KCNT2: variants seen among roughly 807,000 people sequenced by gnomAD.
The protein encoded by KCNT2 is potassium sodium-activated channel subfamily T member 2, also known as potassium channel subfamily T member 2.
Under a neutral mutation model 153.8 loss-of-function variants are expected in KCNT2, and 67 were observed. The ratio of observed to expected loss-of-function variants is 0.44; its 90% CI spans 0.36 to 0.53. The LOEUF (loss-of-function observed/expected upper bound fraction) is 0.53. Among genes scored for constraint, KCNT2 ranks in the 20% least tolerant of loss-of-function variants. KCNT2 has a pLI of 0.00. For missense variants in KCNT2, 975 were observed against 1,354.8 expected, an observed-to-expected ratio of 0.72 and a Z score of 4.40; for synonymous variants, 500 against 458.8, an observed-to-expected ratio of 1.09 and a Z score of -1.15.
At chr1:196,560,751 T>C (rs1478868442) in intron 1 of KCNT2, among the ~76,000 whole-genome samples, 1 of 151,946 alleles carries the variant, frequency 6.6e-6, no homozygotes, top group Non-Finnish European at 1.5e-5. Flanking sequence ...TCACCCCAAC[T>C]ACCAGGTAAA....
chr1:196,607,364 C>T (rs1665433012), intron 1 of KCNT2, among the ~76,000 whole-genome samples: 1 of 152,104 alleles, frequency 6.6e-6, no homozygotes, highest in South Asian at 2.1e-4. Flanking sequence ...ATACTAAATT[C>T]GCTGAAATAC....
At chr1:196,269,518 T>C (rs74133650) in intron 25 of KCNT2, among the ~76,000 whole-genome samples, 3,242 of 152,180 alleles carry the variant, frequency 0.021, 101 homozygotes, top group African/African-American at 0.073. Context: ...TGTGGACTAG[T>C]AAGCAGAAGA....
intron 12 of KCNT2, among the ~76,000 whole-genome samples, chr1:196,421,687 C>T (rs914519287): frequency 2.0e-5 from 3 of 151,998 alleles, no homozygotes; most frequent in African/African-American, 4.8e-5. Flanking sequence ...TTTTGGTCTA[C>T]ACTCTTCTGT....
intron 8 of KCNT2, among the ~76,000 whole-genome samples, chr1:196,431,126 G>A (rs1372825959): frequency 2.0e-5 from 3 of 152,108 alleles, no homozygotes; most frequent in East Asian, 1.9e-4. Context: ...GCTCTCACCA[G>A]ATACCAAATC....
intron 13 of KCNT2, among the ~76,000 whole-genome samples, chr1:196,396,941 T>TA (rs959616510): frequency 4.6e-5 from 7 of 151,488 alleles, no homozygotes; most frequent in Non-Finnish European, 8.9e-5. Context: ...GAATTTTAGT[T>TA]AAAATACACT....
At chr1:196,385,776 T>A (rs12729250) in intron 13 of KCNT2, among the ~76,000 whole-genome samples, 64,438 of 143,696 alleles carry the variant, frequency 0.45, 15,839 homozygotes, top group Middle Eastern at 0.64. Context: ...TAAAAAAATA[T>A]ATATATATAT....
chr1:196,425,507 T>C, intron 11 of KCNT2, among the ~76,000 whole-genome samples: 1 of 151,948 alleles, frequency 6.6e-6, no homozygotes, highest in East Asian at 1.9e-4. Context: ...AAAAACAGTA[T>C]TCGGGGATTT....
intron 8 of KCNT2, among the ~76,000 whole-genome samples, chr1:196,434,781 C>T (rs1674472905): frequency 6.6e-6 from 1 of 151,802 alleles, no homozygotes; most frequent in East Asian, 1.9e-4. Context: ...GTTGCAGATG[C>T]TAAGCCTTAA....
chr1:196,451,365 C>T (rs1261109595), intron 8 of KCNT2, among the ~76,000 whole-genome samples: 5 of 148,438 alleles, frequency 3.4e-5, no homozygotes, highest in African/African-American at 9.9e-5. Flanking sequence ...CCCAGCCTCC[C>T]GAGTAGCTGG....
intron 1 of KCNT2, among the ~76,000 whole-genome samples, chr1:196,514,383 G>A (rs1431125193): frequency 6.6e-6 from 1 of 152,014 alleles, no homozygotes; most frequent in Non-Finnish European, 1.5e-5. Flanking sequence ...TATTGGGGCT[G>A]ATTTGGAATC....
At chr1:196,364,957 T>C (rs1667918613) in intron 14 of KCNT2, among the ~76,000 whole-genome samples, 1 of 152,058 alleles carries the variant, frequency 6.6e-6, no homozygotes, top group Non-Finnish European at 1.5e-5. Context: ...AAAAGCAAAT[T>C]TGCTTCCCCT....
intron 26 of KCNT2, among the ~76,000 whole-genome samples, chr1:196,251,708 CAAT>C (rs1655987495): frequency 6.6e-6 from 1 of 151,638 alleles, no homozygotes; most frequent in African/African-American, 2.4e-5. Context: ...TGACTACAGT[CAAT>C]AATAATTTAT....
intron 8 of KCNT2, among the ~76,000 whole-genome samples, chr1:196,464,503 C>A (rs1044959322): frequency 6.6e-6 from 1 of 151,834 alleles, no homozygotes; most frequent in African/African-American, 2.4e-5. Flanking sequence ...CTCAGTTGTA[C>A]TAGTGTATGT....
chr1:196,595,014 A>G (rs563429959), intron 1 of KCNT2, among the ~76,000 whole-genome samples: 13 of 152,264 alleles, frequency 8.5e-5, no homozygotes, highest in Admixed American at 6.5e-4. Context: ...ATGAAAATGC[A>G]TAGGTTGACT....
chr1:196,524,543 TATC>T (rs1434986857), intron 1 of KCNT2, among the ~76,000 whole-genome samples: 1 of 152,170 alleles, frequency 6.6e-6, no homozygotes, highest in Non-Finnish European at 1.5e-5. Flanking sequence ...TGAGTGAGGT[TATC>T]AACATCATGC....
intron 8 of KCNT2, among the ~76,000 whole-genome samples, chr1:196,462,082 A>G (rs1677202318): frequency 6.6e-6 from 1 of 151,742 alleles, no homozygotes; most frequent in African/African-American, 2.4e-5. Context: ...AATATTCAGA[A>G]AGTGGTAAAA....
chr1:196,566,854 T>C (rs1443282830), intron 1 of KCNT2, among the ~76,000 whole-genome samples: 1 of 152,078 alleles, frequency 6.6e-6, no homozygotes, highest in Admixed American at 6.5e-5. Flanking sequence ...AATTATTAGA[T>C]TTAGTACTTT....
chr1:196,324,768 T>A (rs1285330055), intron 19 of KCNT2, among the ~76,000 whole-genome samples: 1 of 152,050 alleles, frequency 6.6e-6, no homozygotes, highest in African/African-American at 2.4e-5. Flanking sequence ...TGTCAGTAAT[T>A]AAGAGAGGTA....
At chr1:196,277,328 A>G (rs1337078174) in intron 25 of KCNT2, among the ~76,000 whole-genome samples, 1 of 152,094 alleles carries the variant, frequency 6.6e-6, no homozygotes. Context: ...TTACAAACTT[A>G]AAGAATCTCC....
Sources: allele counts gnomAD v4.1 joint callset (sites outside exome capture counted in the v4.1 genomes callset), GRCh38; gene constraint gnomAD v4.1.1; transcripts MANE v1.5; gene names NCBI Gene and HGNC (gene_info 2026-07-23, HGNC 2026-07-21).